The following PHLDB2 variants were observed in gnomAD, a reference collection of about 807,000 sequenced individuals.
The protein encoded by PHLDB2 is pleckstrin homology-like domain family B member 2.
Under a neutral mutation model 123.6 loss-of-function variants are expected in PHLDB2, and 71 were observed. The ratio of observed to expected loss-of-function variants is 0.57; its 90% confidence interval spans 0.47 to 0.70. PHLDB2 has a LOEUF of 0.70. PHLDB2 is among the 30% of genes least tolerant of loss of function. The probability of loss-of-function intolerance (pLI) is 0.00; values close to 1 mark genes in which losing one functional copy is unlikely to be tolerated. For missense variants in PHLDB2, 1,446 were observed against 1,519.5 expected (o/e 0.95, Z 0.80); for synonymous variants, 547 against 541.6 (o/e 1.01, Z -0.14).
chr3:111,808,877 C>A (rs144924363), intron 1 of PHLDB2, among the ~76,000 whole-genome samples: 35 of 152,144 alleles, frequency 2.3e-4, no homozygotes, highest in Admixed American at 1.3e-3. Context: ...AGAGCAAATT[C>A]TTTATATAGC....
intron 1 of PHLDB2, among the ~76,000 whole-genome samples, chr3:111,764,517 T>G (rs1470581120): frequency 6.6e-6 from 1 of 152,186 alleles, no homozygotes; most frequent in Non-Finnish European, 1.5e-5. Flanking sequence ...TCAGTCACAC[T>G]TTTGTCCCAG....
At chr3:111,935,289 C>T (rs1030871425) in intron 6 of PHLDB2, among the ~76,000 whole-genome samples, 1 of 151,242 alleles carries the variant, frequency 6.6e-6, no homozygotes, top group Admixed American at 6.6e-5. Flanking sequence ...TTAGTAGAGT[C>T]GGGGAGTATC....
intron 1 of PHLDB2, among the ~76,000 whole-genome samples, chr3:111,836,560 G>A (rs2063408256): frequency 6.6e-6 from 1 of 152,140 alleles, no homozygotes; most frequent in Non-Finnish European, 1.5e-5. Flanking sequence ...GGAAGCTTTG[G>A]CTTTGAATAA....
intron 2 of PHLDB2, among the ~76,000 whole-genome samples, chr3:111,911,188 T>C (rs2067861138): frequency 6.6e-6 from 1 of 152,248 alleles, no homozygotes; most frequent in East Asian, 1.9e-4. Flanking sequence ...TTCATGCTTT[T>C]GAACACCACA....
intron 2 of PHLDB2, among the ~76,000 whole-genome samples, chr3:111,912,510 T>G (rs1250922724): frequency 6.6e-6 from 1 of 152,162 alleles, no homozygotes; most frequent in African/African-American, 2.4e-5. Flanking sequence ...TCTTTTATAA[T>G]TTTAATTATA....
In PHLDB2 at chr3:111,949,065, A is replaced by C. The variant is rs1321040050; in HGVS notation, c.2621A>C (p.Gln874Pro). Reference protein sequence around the residue: ...PATAVLASQPQSKEHFRSLEE... With the variant: ...PATAVLASQPPSKEHFRSLEE... ...ACAGCTGTGCTGGCGAGCCAGCCAC[A>C]GAGTAAAGAGGTGTGTAGGCATGAC... Residue 874 changes from glutamine (Q) to proline (P), a missense_variant, in exon 10 of 18, where the codon CAG becomes CCG. Physicochemically the swap from Gln to Pro is moderately conservative, Grantham distance 76. Around this residue, in one of 3 missense-constraint regions of PHLDB2, gnomAD observed 594 missense variants for 646.0 expected, o/e 0.92. Transcript: ENST00000431670. The C allele has an allele frequency of 6.2e-6, 10 of 1,613,708 alleles. No homozygotes were observed. The Middle Eastern group carries it at 4.9e-4, about 80-fold the overall frequency.
At chr3:111,871,653 C>T (rs568284781) in intron 1 of PHLDB2, among the ~76,000 whole-genome samples, 2 of 93,010 alleles carry the variant, frequency 2.2e-5, no homozygotes, top group African/African-American at 6.1e-5. Context: ...GTTAAAAAAA[C>T]AAACAAACAA....
intron 1 of PHLDB2, among the ~76,000 whole-genome samples, chr3:111,767,586 A>G (rs1036629194): frequency 2.6e-4 from 39 of 152,252 alleles, no homozygotes; most frequent in African/African-American, 9.4e-4. Flanking sequence ...TCTGAAAATC[A>G]GGATGATAAT....
At chr3:111,781,190 TA>T (rs1396321544) in intron 1 of PHLDB2, among the ~76,000 whole-genome samples, 3 of 152,080 alleles carry the variant, frequency 2.0e-5, no homozygotes, top group Admixed American at 2.0e-4. Flanking sequence ...CTTAAAATTT[TA>T]AAAACATAAC....
At chr3:111,803,308 A>G (rs1194790056) in intron 1 of PHLDB2, among the ~76,000 whole-genome samples, 1 of 152,192 alleles carries the variant, frequency 6.6e-6, no homozygotes, top group Non-Finnish European at 1.5e-5. Flanking sequence ...CAAATATGGA[A>G]TGGAATGTAA....
intron 5 of PHLDB2, among the ~76,000 whole-genome samples, chr3:111,931,806 A>G (rs2069165306): frequency 6.6e-6 from 1 of 152,252 alleles, no homozygotes; most frequent in South Asian, 2.1e-4. Flanking sequence ...AAACCAGTTA[A>G]TTCCAAAACT....
intron 1 of PHLDB2, among the ~76,000 whole-genome samples, chr3:111,736,205 G>A (rs1273295858): frequency 1.3e-5 from 2 of 152,148 alleles, no homozygotes; most frequent in African/African-American, 4.8e-5. Flanking sequence ...GAAGCTGAGA[G>A]AGAAAATTGT....
At chr3:111,852,154 A>G (rs1247822842) in intron 2 of PHLDB2, among the ~76,000 whole-genome samples, 2 of 151,406 alleles carry the variant, frequency 1.3e-5, no homozygotes, top group Admixed American at 6.6e-5. Flanking sequence ...CATGTTCTGA[A>G]TCCTGGCCCC....
intron 5 of PHLDB2, among the ~76,000 whole-genome samples, chr3:111,928,296 C>G (rs889476772): frequency 3.3e-5 from 5 of 152,100 alleles, no homozygotes; most frequent in African/African-American, 1.2e-4. Context: ...TTTGGTGGAT[C>G]CTGTATTAAT....
chr3:111,924,055 T>C (rs150261164), intron 5 of PHLDB2, among the ~76,000 whole-genome samples: 118 of 152,258 alleles, frequency 7.7e-4, no homozygotes, highest in Non-Finnish European at 1.3e-3. Flanking sequence ...CCTTTCTATC[T>C]TTCTGTTTGT....
At chr3:111,848,458 T>G (rs1336704731) in intron 2 of PHLDB2, among the ~76,000 whole-genome samples, 2 of 152,276 alleles carry the variant, frequency 1.3e-5, no homozygotes, top group Middle Eastern at 3.4e-3. Context: ...ACATTGCTCA[T>G]CAATGCTCAG....
At chr3:111,855,629 C>CTTTTTTTTTTTTTTTTTTTTTTTTT (rs11368889), upstream of PHLDB2, among the ~76,000 whole-genome samples, 1 of 79,850 alleles carries the variant, frequency 1.3e-5, no homozygotes, top group Non-Finnish European at 2.2e-5. Context: ...CTGCATTTGT[C>CTTTTTTTTTTTTTTTTTTTTTTTTT]TTTTTTTTTT....
At chr3:111,835,151 C>A (rs148937927) in intron 1 of PHLDB2, among the ~76,000 whole-genome samples, 370 of 152,120 alleles carry the variant, frequency 2.4e-3, no homozygotes, top group African/African-American at 8.5e-3. Flanking sequence ...AATATTTAAT[C>A]CTTATATCAG....
intron 12 of PHLDB2, chr3:111,961,843 G>T (rs754480982): frequency 9.3e-6 from 4 of 431,606 alleles, no homozygotes; most frequent in Non-Finnish European, 1.6e-5. Flanking sequence ...GTGTGTTGCT[G>T]GTTGTGCTGA....
Sources: gnomAD v4.1 joint callset for allele counts (sites outside exome capture counted in the v4.1 genomes callset) on GRCh38, gnomAD v4.1.1 for gene constraint, gnomAD v4.1.1 regional missense constraint, MANE v1.5 for transcripts, NCBI Gene and HGNC (gene_info 2026-07-23, HGNC 2026-07-21) for gene names.